Variants in CPS1 observed in about 807,000 individuals in gnomAD.
CPS1 encodes carbamoyl-phosphate synthase [ammonia], mitochondrial.
CPS1 carries 109 observed loss-of-function variants against 174.6 expected under a neutral mutation model. The observed-to-expected ratio is 0.62, with a 90% CI of 0.53 to 0.73. The LOEUF is 0.73. Among genes scored for constraint, CPS1 ranks in the 30% least tolerant of loss-of-function variants. The pLI, the probability that CPS1 is intolerant of heterozygous loss-of-function variation, is 0.00. For synonymous variants in CPS1, 637 were observed against 632.0 expected, an observed-to-expected ratio of 1.01 and a Z score of -0.12; for missense variants, 1,689 against 1,821.9, an observed-to-expected ratio of 0.93 and a Z score of 1.33.
chr2:210,586,548 A>G (rs139569286), intron 6 of CPS1, among the ~76,000 whole-genome samples: 24 of 152,188 alleles, frequency 1.6e-4, no homozygotes, highest in Middle Eastern at 3.4e-3. Flanking sequence ...TTCTGTGGTC[A>G]AGCAAGGTTG....
At chr2:210,496,391 G>A (rs765050866) in intron 1 of CPS1, among the ~76,000 whole-genome samples, 16 of 152,152 alleles carry the variant, frequency 1.1e-4, no homozygotes, top group Non-Finnish European at 2.1e-4. Context: ...TTCCTTGGGT[G>A]TCTTTGAATA....
At chr2:210,676,361 T>C (rs1337856527) in intron 36 of CPS1, among the ~76,000 whole-genome samples, 4 of 152,212 alleles carry the variant, frequency 2.6e-5, no homozygotes, top group Non-Finnish European at 1.5e-5. Context: ...TTCAGCAGAT[T>C]GTGTGAATCT....
chr2:210,498,523 C>G (rs1695061762), intron 1 of CPS1, among the ~76,000 whole-genome samples: 1 of 152,076 alleles, frequency 6.6e-6, no homozygotes, highest in Non-Finnish European at 1.5e-5. Context: ...TGAATCTTTA[C>G]AAAGTTATTT....
At chr2:210,581,109 G>A (rs925109383) in intron 5 of CPS1, among the ~76,000 whole-genome samples, 5 of 152,118 alleles carry the variant, frequency 3.3e-5, no homozygotes, top group Non-Finnish European at 7.4e-5. Flanking sequence ...ATAGGTGTTA[G>A]TGAAATTATA....
chr2:210,515,935 T>C (rs1417770941), intron 1 of CPS1, among the ~76,000 whole-genome samples: 1 of 151,860 alleles, frequency 6.6e-6, no homozygotes, highest in Non-Finnish European at 1.5e-5. Context: ...TTAAAAAATT[T>C]TCTTCCTTAA....
chr2:210,575,318 A>G (rs562653183), intron 2 of CPS1, among the ~76,000 whole-genome samples: 15 of 152,172 alleles, frequency 9.9e-5, no homozygotes, highest in African/African-American at 3.6e-4. Flanking sequence ...TTCAGTTGTA[A>G]TCCACAAAAA....
At chr2:210,647,048 A>G (rs1390987647) in intron 25 of CPS1, among the ~76,000 whole-genome samples, 2 of 152,138 alleles carry the variant, frequency 1.3e-5, no homozygotes, top group Non-Finnish European at 2.9e-5. Context: ...TTGTAAAGCA[A>G]GTAGTGAGGC....
At chr2:210,620,769 A>G (rs1040304934) in intron 21 of CPS1, among the ~76,000 whole-genome samples, 9 of 152,074 alleles carry the variant, frequency 5.9e-5, no homozygotes, top group Non-Finnish European at 1.2e-4. Context: ...TACATCATTC[A>G]TGAGAAATCT....
At chr2:210,531,345 T>A (rs1336208690) in intron 1 of CPS1, among the ~76,000 whole-genome samples, 1 of 152,154 alleles carries the variant, frequency 6.6e-6, no homozygotes, top group Non-Finnish European at 1.5e-5. Flanking sequence ...CTATTTAGCA[T>A]CGTGTAATGG....
intron 21 of CPS1, among the ~76,000 whole-genome samples, chr2:210,627,707 G>A (rs973516989): frequency 2.0e-5 from 3 of 152,170 alleles, no homozygotes; most frequent in African/African-American, 7.2e-5. Context: ...TAAGTATGGT[G>A]GCCCTCACCA....
At chr2:210,623,242 A>G (rs1699588376) in intron 21 of CPS1, among the ~76,000 whole-genome samples, 1 of 152,092 alleles carries the variant, frequency 6.6e-6, no homozygotes, top group Admixed American at 6.5e-5. Flanking sequence ...AAAAGAATCT[A>G]TTTTCATTCA....
At chr2:210,673,804 T>C (rs1701405964) in intron 34 of CPS1, 1 of 152,218 alleles carries the variant, frequency 6.6e-6, no homozygotes, top group Non-Finnish European at 1.5e-5. Context: ...GAACTGTTAC[T>C]ATTCCTGTTC....
intron 34 of CPS1, 84 bp from the exon 35 acceptor site, chr2:210,674,818 T>C (rs1048018324): frequency 2.7e-6 from 3 of 1,100,138 alleles, no homozygotes; most frequent in Non-Finnish European, 2.8e-6. Flanking sequence ...ACATTGTCTT[T>C]TAAGATGTTG....
At chr2:210,477,854 AT>A in intron 1 of CPS1, 4 of 1,413,568 alleles carry the variant, frequency 2.8e-6, no homozygotes, top group Non-Finnish European at 4.0e-6. Context: ...AACGAGAGAC[AT>A]TTTATCAATT....
rs538517393 is a variant in CPS1, at chr2:210,544,915, C to T, written c.4-11804C>T. On this transcript the variant is annotated intron_variant, in intron 1 of 38. Transcript: ENST00000430249. Reference sequence around the variant, plus strand: ...GCCTAGTACATTTTTTTTTTCTCCTCATACTAATTCTAAGTCAGGTGGTCC... The same window carrying T: ...GCCTAGTACATTTTTTTTTTCTCCTTATACTAATTCTAAGTCAGGTGGTCC... 7.0e-4 allele frequency among the ~76,000 whole-genome samples: 106 copies of T among 151,506 alleles called. 2 individuals carry two copies. Among genetic ancestry groups the T allele is most frequent in the African/African-American group, 2.4e-3 (100 of 41,390 alleles).
intron 1 of CPS1, among the ~76,000 whole-genome samples, chr2:210,562,041 T>C (rs1697118590): frequency 6.6e-6 from 1 of 152,162 alleles, no homozygotes; most frequent in Non-Finnish European, 1.5e-5. Flanking sequence ...GATATGTAGG[T>C]TCCTCCAGGA....
At chr2:210,542,948 G>T (rs1696470827) in intron 1 of CPS1, among the ~76,000 whole-genome samples, 1 of 152,086 alleles carries the variant, frequency 6.6e-6, no homozygotes, top group South Asian at 2.1e-4. Flanking sequence ...GAAGGTTCTG[G>T]ACCACAAGCA....
chr2:210,659,797 T>C (rs560318644), intron 31 of CPS1, among the ~76,000 whole-genome samples: 2 of 152,332 alleles, frequency 1.3e-5, no homozygotes, highest in African/African-American at 2.4e-5. Flanking sequence ...ATTGGAATTA[T>C]AGAGCAGAGA....
rs1446227454 is a variant in CPS1 at position 210,602,278 on chromosome 2, T to G, written c.1784T>G (p.Leu595Ter). Residue 595 changes from leucine (L) to a stop codon, truncating the protein, a stop_gained, in exon 16 of 38, where the codon TTA (leucine) becomes TGA (stop). Coordinates refer to ENST00000233072, the MANE Select transcript of CPS1 (RefSeq NM_001875.5). LOFTEE classifies it high-confidence loss of function. ...MIRSAYALGG[L>*]GSGICPNRET... ...CGTTCCGCCTATGCACTGGGTGGGTTAGGCTCAGGCATCTGTCCCAACAGA... is the reference window on the plus strand; with the variant it reads ...CGTTCCGCCTATGCACTGGGTGGGTGAGGCTCAGGCATCTGTCCCAACAGA... 6.2e-7 allele frequency: 1 copy of G among 1,612,676 alleles called. No homozygotes were observed. The highest frequency in any genetic ancestry group is 8.5e-7 in the Non-Finnish European group (1 of 1,179,116).
Sources: gnomAD v4.1 joint callset for allele counts (sites outside exome capture counted in the v4.1 genomes callset) on GRCh38, gnomAD v4.1.1 for gene constraint, MANE v1.5 for transcripts, NCBI Gene and HGNC (gene_info 2026-07-23, HGNC 2026-07-21) for gene names.